Variants in CFAP141 observed in about 807,000 individuals in gnomAD.
CFAP141 encodes the protein cilia- and flagella-associated protein 141.
At chr1:154,205,652 T>C in the CFAP141 span, 1 of 1,612,976 alleles carries the variant, frequency 6.2e-7, no homozygotes, top group East Asian at 2.2e-5. Context: ...CAAGAAAAGG[T>C]AGTTCTGTTG....
chr1:154,199,086 T>A, the CFAP141 span, among the ~76,000 whole-genome samples: 1 of 152,160 alleles, frequency 6.6e-6, no homozygotes, highest in Non-Finnish European at 1.5e-5. Context: ...TGGTCTAAGT[T>A]TGAGCCTTTA....
At chr1:154,205,824 C>A in the CFAP141 span, among the ~76,000 whole-genome samples, 1 of 152,072 alleles carries the variant, frequency 6.6e-6, no homozygotes, top group African/African-American at 2.4e-5. Flanking sequence ...CCTGCCTCAG[C>A]CTCCGAGTAG....
the CFAP141 span, chr1:154,205,728 G>C: frequency 4.0e-6 from 5 of 1,243,094 alleles, no homozygotes; most frequent in Non-Finnish European, 5.9e-6. Context: ...TTTTGAGACA[G>C]AGTTTTGCTC....
chr1:154,205,813 T>C, the CFAP141 span, among the ~76,000 whole-genome samples: 1 of 152,042 alleles, frequency 6.6e-6, no homozygotes, highest in Admixed American at 6.6e-5. Flanking sequence ...CAAGCGATTC[T>C]CCTGCCTCAG....
At chr1:154,201,252 T>C in the CFAP141 span, among the ~76,000 whole-genome samples, 1 of 152,170 alleles carries the variant, frequency 6.6e-6, no homozygotes, top group Non-Finnish European at 1.5e-5. Context: ...TGCCTCAGCC[T>C]CTTGAGTAGC....
At chr1:154,203,172 A>AATATAT in the CFAP141 span, among the ~76,000 whole-genome samples, 7 of 29,528 alleles carry the variant, frequency 2.4e-4, no homozygotes, top group Non-Finnish European at 3.4e-4. Flanking sequence ...TGACTGGGCA[A>AATATAT]ATATATATAT....
At chr1:154,206,321 C>G in the CFAP141 span, 4 of 1,613,724 alleles carry the variant, frequency 2.5e-6, no homozygotes, top group Non-Finnish European at 3.4e-6. Flanking sequence ...TATAGATTTG[C>G]TTGATACAGT....
the CFAP141 span, among the ~76,000 whole-genome samples, chr1:154,203,199 A>AC: frequency 2.6e-5 from 1 of 38,550 alleles, no homozygotes; most frequent in Non-Finnish European, 4.9e-5. Context: ...ATATATATAT[A>AC]TATATATATA....
chr1:154,201,775 T>G, the CFAP141 span, among the ~76,000 whole-genome samples: 1 of 151,862 alleles, frequency 6.6e-6, no homozygotes, highest in Non-Finnish European at 1.5e-5. Flanking sequence ...ATTGAAGTTT[T>G]AATTTTTTTT....
At chr1:154,205,481 G>T in the CFAP141 span, 1 of 953,858 alleles carries the variant, frequency 1.0e-6, no homozygotes, top group Non-Finnish European at 1.7e-6. Flanking sequence ...TTCCGCATCT[G>T]TTTTCCTCTT....
At chr1:154,205,508 G>A in the CFAP141 span, 1 of 1,179,590 alleles carries the variant, frequency 8.5e-7, no homozygotes, top group Non-Finnish European at 1.3e-6. Context: ...CCCCTAAAGA[G>A]ATGCAGCAGA....
the CFAP141 span, chr1:154,205,670 TCA>T: frequency 6.2e-7 from 1 of 1,602,792 alleles, no homozygotes; most frequent in Non-Finnish European, 8.5e-7. Flanking sequence ...TTGATCTGCC[TCA>T]GTCTCCAGAA....
At chr1:154,202,094 G>A in the CFAP141 span, among the ~76,000 whole-genome samples, 2 of 152,040 alleles carry the variant, frequency 1.3e-5, no homozygotes, top group African/African-American at 2.4e-5. Flanking sequence ...ATGCCACCAC[G>A]CCCAGCTAAT....
the CFAP141 span, chr1:154,200,418 C>A: frequency 6.2e-7 from 1 of 1,608,262 alleles, no homozygotes; most frequent in Non-Finnish European, 8.5e-7. Flanking sequence ...AGGCACACAG[C>A]AGTAGTGAAT....
chr1:154,206,202 G>C, the CFAP141 span: 1 of 1,390,080 alleles, frequency 7.2e-7, no homozygotes, highest in East Asian at 2.3e-5. Flanking sequence ...CCCAGTAAAA[G>C]ATGCACTTAT....
At chr1:154,203,126 G>C in the CFAP141 span, among the ~76,000 whole-genome samples, 1 of 125,360 alleles carries the variant, frequency 8.0e-6, no homozygotes, top group Non-Finnish European at 1.7e-5. Flanking sequence ...GTCTTAGAGA[G>C]ACTCTGCCTC....
At chr1:154,199,459 T>C in the CFAP141 span, 2 of 1,612,910 alleles carry the variant, frequency 1.2e-6, no homozygotes, top group Non-Finnish European at 8.5e-7. Flanking sequence ...GCTTTGCCCA[T>C]CTGATTTAGT....
At chr1:154,206,313 T>C in the CFAP141 span, 1 of 1,613,720 alleles carries the variant, frequency 6.2e-7, no homozygotes, top group Non-Finnish European at 8.5e-7. Flanking sequence ...GACATGTCTA[T>C]AGATTTGCTT....
the CFAP141 span, chr1:154,205,463 C>T: frequency 1.2e-6 from 1 of 812,448 alleles, no homozygotes; most frequent in Non-Finnish European, 2.2e-6. Flanking sequence ...AAGGCTGCTT[C>T]TCACCCCTTC....
Sources: gnomAD v4.1 joint callset for allele counts (sites outside exome capture counted in the v4.1 genomes callset) on GRCh38, gnomAD v4.1.1 for gene constraint, MANE v1.5 for transcripts, NCBI Gene and HGNC (gene_info 2026-07-23, HGNC 2026-07-21) for gene names.